STK32A: variants seen among roughly 807,000 people sequenced by gnomAD.
STK32A encodes serine/threonine-protein kinase 32A.
Under a neutral mutation model 53.2 loss-of-function variants are expected in STK32A, and 41 were observed. The ratio of observed to expected loss-of-function variants is 0.77; its 90% CI spans 0.60 to 1.00. The LOEUF is 1.00. STK32A is among the 50% of genes least tolerant of loss of function. The pLI is 0.00. For missense variants in STK32A, 458 were observed against 485.8 expected, an observed-to-expected ratio of 0.94 and a Z score of 0.54; for synonymous variants, 166 against 162.8, an observed-to-expected ratio of 1.02 and a Z score of -0.15.
intron 4 of STK32A, among the ~76,000 whole-genome samples, chr5:147,314,309 TCAA>T (rs1325108396): frequency 6.6e-6 from 1 of 151,758 alleles, no homozygotes; most frequent in Non-Finnish European, 1.5e-5. Flanking sequence ...ACCAGCCTGA[TCAA>T]CATGGTGAAA....
intron 5 of STK32A, among the ~76,000 whole-genome samples, chr5:147,328,211 G>T (rs925929677): frequency 6.6e-6 from 1 of 152,132 alleles, no homozygotes; most frequent in Non-Finnish European, 1.5e-5. Flanking sequence ...GTCCTCACTT[G>T]TTTCCCTGTG....
At chr5:147,279,029 ATTGT>A (rs1751906446) in intron 3 of STK32A, among the ~76,000 whole-genome samples, 1 of 152,200 alleles carries the variant, frequency 6.6e-6, no homozygotes, top group African/African-American at 2.4e-5. Context: ...ACCAGGCAAA[ATTGT>A]TTGAGAAAAA....
chr5:147,324,474 G>A (rs138120581), intron 5 of STK32A, among the ~76,000 whole-genome samples: 1 of 152,300 alleles, frequency 6.6e-6, no homozygotes, highest in East Asian at 1.9e-4. Flanking sequence ...AATATTTGCT[G>A]TCCTGCAGTC....
chr5:147,324,169 C>G (rs759278878), intron 5 of STK32A, 98 bp downstream of exon 5: 262 of 1,236,182 alleles, frequency 2.1e-4, no homozygotes, highest in Non-Finnish European at 2.2e-4. Flanking sequence ...GACATTTAAT[C>G]CCCGTTTAAT....
the STK32A span, chr5:147,394,151 GAA>G: frequency 7.0e-7 from 1 of 1,434,490 alleles, no homozygotes; most frequent in Non-Finnish European, 9.5e-7. Flanking sequence ...TTCCCAGGGG[GAA>G]AAAAAAAACA....
chr5:147,286,435 A>G (rs1752342663), intron 4 of STK32A, among the ~76,000 whole-genome samples: 1 of 152,142 alleles, frequency 6.6e-6, no homozygotes, highest in African/African-American at 2.4e-5. Flanking sequence ...ATAATCCAGC[A>G]CCACATTAGG....
chr5:147,250,840 G>C (rs943997415), intron 2 of STK32A, among the ~76,000 whole-genome samples: 1 of 151,588 alleles, frequency 6.6e-6, no homozygotes, highest in African/African-American at 2.4e-5. Context: ...TACTCGGGAG[G>C]CTGAGGCAGG....
chr5:147,397,018 TATAA>T, the STK32A span, among the ~76,000 whole-genome samples: 2 of 113,534 alleles, frequency 1.8e-5, no homozygotes, highest in Admixed American at 1.9e-4. Context: ...AATATAAATA[TATAA>T]ATGTTTATTT....
At chr5:147,374,265 T>G (rs1238476291) in intron 10 of STK32A, among the ~76,000 whole-genome samples, 1 of 146,354 alleles carries the variant, frequency 6.8e-6, no homozygotes, top group Non-Finnish European at 1.5e-5. Flanking sequence ...CTAGCCTGGG[T>G]AACAGAGTGA....
At chr5:147,260,731 ATCAGGCCCC>A (rs1281907269) in intron 2 of STK32A, among the ~76,000 whole-genome samples, 1 of 152,108 alleles carries the variant, frequency 6.6e-6, no homozygotes, top group African/African-American at 2.4e-5. Context: ...CTAAGGCAGA[ATCAGGCCCC>A]TCTTAGTGTT....
chr5:147,336,773 TGA>T (rs1755149930), intron 5 of STK32A, among the ~76,000 whole-genome samples: 1 of 152,208 alleles, frequency 6.6e-6, no homozygotes, highest in African/African-American at 2.4e-5. Flanking sequence ...GTCTGTTTTT[TGA>T]GACCAATAGC....
chr5:147,246,782 T>A (rs1216432889), intron 2 of STK32A, among the ~76,000 whole-genome samples: 1 of 152,256 alleles, frequency 6.6e-6, no homozygotes, highest in African/African-American at 2.4e-5. Flanking sequence ...TGTAAGTTTT[T>A]CCTTACAAGT....
intron 6 of STK32A, chr5:147,348,644 T>C (rs1169310122): frequency 4.0e-6 from 3 of 754,788 alleles, no homozygotes; most frequent in Admixed American, 3.6e-5. Flanking sequence ...GACAGTTGCA[T>C]GTCTGGCTGC....
chr5:147,263,536 A>G (rs34390085), intron 2 of STK32A, among the ~76,000 whole-genome samples: 45,000 of 151,910 alleles, frequency 0.3, 7,018 homozygotes, highest in African/African-American at 0.36. Context: ...ATAACCAGAC[A>G]AAAAACAAAC....
At chr5:147,274,260 C>T (rs139121940) in intron 2 of STK32A, among the ~76,000 whole-genome samples, 51 of 152,252 alleles carry the variant, frequency 3.3e-4, no homozygotes, top group African/African-American at 1.2e-3. Flanking sequence ...TCTCCTTTGC[C>T]TGTTTTCTTG....
intron 2 of STK32A, among the ~76,000 whole-genome samples, chr5:147,253,740 T>C (rs1476850672): frequency 6.6e-6 from 1 of 152,222 alleles, no homozygotes; most frequent in Non-Finnish European, 1.5e-5. Context: ...AGTCAGCTAA[T>C]GATTAGAGTC....
Position 147,342,732 on chromosome 5 carries a change from G to C in STK32A, c.435-274G>C, listed in dbSNP as rs150626913. 8.8e-5 allele frequency: 38 copies of C among 433,378 alleles called. No homozygotes were observed. The East Asian group carries it at 1.4e-3, about 15-fold the overall frequency. 26.8% of individuals were successfully genotyped at this position (433,378 alleles called of 1,614,324 possible). A position where few individuals can be genotyped will look rare whatever the true frequency, so the allele number is the denominator to read the frequency against. ...GATACAACATGCTATAGGAAGTTTA[G>C]AGTCTGAGTTTTTGAATGAGAGAGG... On this transcript the variant is annotated intron_variant, in intron 5 of 12. Coordinates refer to ENST00000397936, the MANE Select transcript of STK32A (RefSeq NM_001112724.2).
intron 7 of STK32A, among the ~76,000 whole-genome samples, chr5:147,359,014 T>A (rs185867292): frequency 4.5e-4 from 68 of 152,304 alleles, no homozygotes; most frequent in Non-Finnish European, 7.8e-4. Context: ...TATGTGGACA[T>A]TTGCTTATAA....
chr5:147,279,307 C>T lies in STK32A; in HGVS notation c.169C>T (p.Gln57Ter). The change falls in exon 4 of 13, where the codon CAA (glutamine) becomes TAA (stop). Residue 57 changes from glutamine (Q) to a stop codon, truncating the protein, a stop_gained. Coordinates refer to ENST00000397936, the MANE Select transcript of STK32A (RefSeq NM_001112724.2). LOFTEE classifies it high-confidence loss of function. Reference protein sequence around the residue: ...KMYAMKYMNKQKCVERNEVRN... With the variant: ...KMYAMKYMNK ...GTACGCAATGAAGTACATGAATAAA[C>T]AAAAGTGCGTGGAGCGCAATGAAGT... The T allele has an allele frequency of 1.2e-6, 2 of 1,613,906 alleles. No individual in the cohort carries two copies.
Sources: allele counts gnomAD v4.1 joint callset (sites outside exome capture counted in the v4.1 genomes callset), GRCh38; gene constraint gnomAD v4.1.1; transcripts MANE v1.5; gene names NCBI Gene and HGNC (gene_info 2026-07-23, HGNC 2026-07-21).